The following SND1 variants were observed in gnomAD, a reference collection of about 807,000 sequenced individuals.
SND1 encodes the protein staphylococcal nuclease and tudor domain containing 1.
SND1 carries 38 observed loss-of-function variants against 121.7 expected under a neutral mutation model. The observed-to-expected ratio is 0.31, with a 90% CI of 0.24 to 0.41. The LOEUF is 0.41. Among genes scored for constraint, SND1 ranks in the 10% least tolerant of loss-of-function variants. SND1 has a pLI of 1.00. For missense variants in SND1, 868 were observed against 1,184.6 expected, an observed-to-expected ratio of 0.73 and a Z score of 3.92; for synonymous variants, 401 against 447.4, an observed-to-expected ratio of 0.90 and a Z score of 1.31.
At chr7:127,734,084 T>C (rs1346911125) in intron 10 of SND1, among the ~76,000 whole-genome samples, 1 of 152,050 alleles carries the variant, frequency 6.6e-6, no homozygotes, top group Non-Finnish European at 1.5e-5. Flanking sequence ...TAAAGCTCTA[T>C]CTCCAGGATT....
chr7:127,938,612 A>T (rs951111583), intron 15 of SND1, among the ~76,000 whole-genome samples: 1 of 152,232 alleles, frequency 6.6e-6, no homozygotes, highest in African/African-American at 2.4e-5. Flanking sequence ...CCTGTATCAG[A>T]TCTCAGGAAG....
chr7:127,664,829 G>A (rs1336935026), intron 1 of SND1, among the ~76,000 whole-genome samples: 3 of 152,190 alleles, frequency 2.0e-5, no homozygotes, highest in Admixed American at 6.5e-5. Flanking sequence ...CCCAGTTGGT[G>A]TCTGCAGAGA....
intron 12 of SND1, among the ~76,000 whole-genome samples, chr7:127,880,997 C>T (rs977255809): frequency 1.4e-4 from 22 of 152,094 alleles, no homozygotes; most frequent in African/African-American, 5.3e-4. Flanking sequence ...GAAAGATGTA[C>T]CACTGCAGTA....
rs144052370 is a variant in SND1 at position 127,813,854 on chromosome 7, C to T, written c.1242+6281C>T. On this transcript the variant is annotated intron_variant, in intron 11 of 23. Coordinates refer to ENST00000354725, the MANE Select transcript of SND1 (RefSeq NM_014390.4). ...CTGGGATTACAGGTGTAAGCCACCA[C>T]GCTCGGCCTTGAAGTGTGTTATTTG... 7.9e-3 allele frequency among the ~76,000 whole-genome samples: 1,205 copies of T among 152,226 alleles called. 17 individuals are homozygous for T. The highest frequency in any genetic ancestry group is 0.027 in the African/African-American group (1,125 of 41,516).
chr7:128,052,090 A>T lies in SND1; in HGVS notation c.1780-22412A>T, dbSNP rs1562883251. The stretch of plus-strand genomic sequence containing the variant: ...AGACACCGATATCAGAGGTGTAAGG[A>T]TGACATTTGCTTTGGGGAGGAAGCA... On this transcript the variant is annotated intron_variant, in intron 16 of 23. Transcript: ENST00000354725. This position sits in a 1 kb window ranked among gnomAD's most constrained non-coding sequence, Gnocchi z 4.6. 1.3e-5 allele frequency among the ~76,000 whole-genome samples: 2 copies of T among 152,158 alleles called. No individual in the cohort carries two copies. The highest frequency in any genetic ancestry group is 4.1e-4 in the South Asian group (2 of 4,822).
chr7:127,853,806 C>T (rs1799218684), intron 12 of SND1, among the ~76,000 whole-genome samples: 1 of 152,110 alleles, frequency 6.6e-6, no homozygotes, highest in Non-Finnish European at 1.5e-5. Flanking sequence ...GTACTTTTGC[C>T]AGGTATCAAA....
At chr7:128,076,043 C>A (rs529810212) in intron 17 of SND1, among the ~76,000 whole-genome samples, 2 of 152,308 alleles carry the variant, frequency 1.3e-5, no homozygotes, top group African/African-American at 4.8e-5. Flanking sequence ...CAGAGTCTAA[C>A]GCCCAGAGGC....
chr7:127,829,337 G>T (rs1490362353), intron 11 of SND1, among the ~76,000 whole-genome samples: 3 of 152,112 alleles, frequency 2.0e-5, no homozygotes, highest in African/African-American at 7.2e-5. Flanking sequence ...TGATTGGTAG[G>T]TTGGTTTATT....
intron 16 of SND1, among the ~76,000 whole-genome samples, chr7:128,004,496 A>G (rs1165424879): frequency 6.6e-6 from 1 of 152,218 alleles, no homozygotes; most frequent in African/African-American, 2.4e-5. Flanking sequence ...GATGTTCCCC[A>G]TTGGACTAAA....
chr7:127,990,871 CAG>C (rs1802507536), intron 15 of SND1, 74 bp from the exon 16 acceptor site: 1 of 962,012 alleles, frequency 1.0e-6, no homozygotes, highest in African/African-American at 1.6e-5. Context: ...CTGGAGGTGT[CAG>C]GGGACCGTCC....
chr7:127,980,616 G>A (rs1018782629), intron 15 of SND1, among the ~76,000 whole-genome samples: 15 of 152,206 alleles, frequency 9.9e-5, no homozygotes, highest in African/African-American at 2.7e-4. Flanking sequence ...TCAGGAGGAG[G>A]AGCTCAGAGC....
At position 127,887,081 on chromosome 7, in the gene SND1, G is replaced by A. The variant is rs572498937; in HGVS notation, c.1344-821G>A. 3.9e-5 allele frequency among the ~76,000 whole-genome samples: 6 copies of A among 152,040 alleles called. 1 individual carries two copies. The East Asian group carries it at 9.7e-4, about 25-fold the overall frequency. ...TGTAGTGGTGTGATCACAGCTCACA[G>A]CAACCTCAAACTCCTGATCCTCCTC... is the stretch of plus-strand genomic sequence containing the variant. On this transcript the variant is annotated intron_variant, in intron 12 of 23. Transcript: ENST00000354725.
chr7:127,731,189 G>GT (rs1796669739), intron 10 of SND1, among the ~76,000 whole-genome samples: 2 of 152,350 alleles, frequency 1.3e-5, no homozygotes, highest in African/African-American at 4.8e-5. Flanking sequence ...CCCGATTCTG[G>GT]TTGGACCCCC....
chr7:127,727,044 C>T (rs1386166574), intron 10 of SND1, among the ~76,000 whole-genome samples: 1 of 152,230 alleles, frequency 6.6e-6, no homozygotes, highest in African/African-American at 2.4e-5. Context: ...AGCCTCTATT[C>T]ATTTCCATCA....
At chr7:128,011,764 G>A (rs1157462661) in intron 16 of SND1, among the ~76,000 whole-genome samples, 1 of 152,182 alleles carries the variant, frequency 6.6e-6, no homozygotes, top group African/African-American at 2.4e-5. Context: ...TTGTGGTTAT[G>A]TAAGAAAATG....
intron 11 of SND1, among the ~76,000 whole-genome samples, chr7:127,835,160 TC>T (rs946134027): frequency 2.6e-5 from 4 of 152,094 alleles, no homozygotes; most frequent in African/African-American, 7.2e-5. Flanking sequence ...AATATCCCCT[TC>T]CCCCCACTAA....
At chr7:127,951,503 A>G (rs1801461982) in intron 15 of SND1, among the ~76,000 whole-genome samples, 1 of 152,214 alleles carries the variant, frequency 6.6e-6, no homozygotes, top group African/African-American at 2.4e-5. Flanking sequence ...GATCTGCTGT[A>G]CAATATTGTG....
intron 14 of SND1, among the ~76,000 whole-genome samples, chr7:127,922,446 T>C (rs1800740144): frequency 6.6e-6 from 1 of 152,106 alleles, no homozygotes. Flanking sequence ...TGTCTTCTCT[T>C]CCTAAGTATT....
intron 16 of SND1, among the ~76,000 whole-genome samples, chr7:128,050,323 G>A (rs1793024468): frequency 6.6e-6 from 1 of 152,170 alleles, no homozygotes; most frequent in Non-Finnish European, 1.5e-5. Context: ...GGATCCAGCA[G>A]GTCCTACAGA....
Sources: gnomAD v4.1 joint callset for allele counts (sites outside exome capture counted in the v4.1 genomes callset) on GRCh38, gnomAD v4.1.1 for gene constraint, Gnocchi (gnomAD v3.1) non-coding constraint, MANE v1.5 for transcripts, NCBI Gene and HGNC (gene_info 2026-07-23, HGNC 2026-07-21) for gene names.